The following RPL39 variants were observed in gnomAD, a reference collection of about 807,000 sequenced individuals.
RPL39 encodes the protein ribosomal protein L39.
For synonymous variants in RPL39, 8 were observed against 11.4 expected (o/e 0.70, Z 0.60); for missense variants, 6 against 37.2 (o/e 0.16, Z 2.18).
intron 2 of RPL39, among the ~76,000 whole-genome samples, chrX:119,787,111 CAG>C (rs2055670517): frequency 9.0e-6 from 1 of 110,865 alleles, no homozygotes; most frequent in Non-Finnish European, 1.9e-5. Context: ...TTTTTTGAGA[CAG>C]AGTCGCCCGC....
intron 1 of RPL39, 80 bp downstream of exon 1, chrX:119,791,494 C>G (rs12857400): frequency 4.0e-5 from 38 of 958,233 alleles, no homozygotes; most frequent in Non-Finnish European, 5.1e-5. Context: ...CTCAACGCTC[C>G]GCGCGGCCCA....
intron 2 of RPL39, among the ~76,000 whole-genome samples, chrX:119,788,239 C>T (rs773606927): frequency 1.8e-5 from 2 of 111,969 alleles, no homozygotes; most frequent in South Asian, 3.7e-4. Context: ...CCATACAAGT[C>T]GAATCAAGTT....
At chrX:119,787,540 G>C (rs1331752446) in intron 2 of RPL39, 1 of 357,393 alleles carries the variant, frequency 2.8e-6, no homozygotes, top group East Asian at 7.7e-5. Context: ...ATTCCATTGG[G>C]TCAATTATCT....
rs12854904 is a variant in RPL39, at chrX:119,791,519, G to A, written c.3+55C>T. 10,064 of 1,072,476 alleles carry A rather than the reference G, an allele frequency of 9.4e-3. 385 individuals are homozygous for A. In the African/African-American group the frequency reaches 0.13, roughly 13 times the overall value. 88.4% of individuals were successfully genotyped at this position (1,072,476 alleles called of 1,213,427 possible). On this transcript the variant is annotated intron_variant, in intron 1 of 2. Transcript: ENST00000361575. ...CGCGCGGCCCAGGCATTTCCTGGCA[G>A]CGGCCTCGGGTTTTGGGAAGCCACC... is the stretch of plus-strand genomic sequence containing the variant.
intron 2 of RPL39, 136 bp downstream of exon 2, chrX:119,789,772 A>C (rs1047807204): frequency 2.3e-6 from 1 of 441,779 alleles, no homozygotes; most frequent in African/African-American, 2.4e-5. Flanking sequence ...TTTAAAAACG[A>C]ATTTGAGAAT....
At chrX:119,787,325 G>C (rs148303467) in intron 2 of RPL39, 1 of 369,186 alleles carries the variant, frequency 2.7e-6, no homozygotes. Flanking sequence ...CTCCATTCAC[G>C]TCTAGTGCAG....
chrX:119,787,141 G>A, intron 2 of RPL39: 1 of 245,721 alleles, frequency 4.1e-6, no homozygotes, highest in Non-Finnish European at 7.5e-6. Context: ...ACACCACCCA[G>A]CTAATTTTTG....
chrX:119,790,096 G>A, intron 1 of RPL39, 85 bp from the exon 2 acceptor site: 2 of 569,151 alleles, frequency 3.5e-6, no homozygotes, highest in South Asian at 5.1e-5. Flanking sequence ...ACCAACATTT[G>A]AGTGCTTAAC....
chrX:119,789,197 AGGGAGAG>A lies in RPL39; in HGVS notation c.107+704_107+710del, dbSNP rs1039649064. Among the ~76,000 whole-genome samples the A allele has an allele frequency of 1.8e-4, 20 of 111,445 alleles. No homozygotes were observed. The East Asian group carries it at 4.5e-3, about 25-fold the overall frequency. Reference sequence around the variant, plus strand: ...GGAGGGTCACTTGAGTCTGGTAGGTAGGGAGAGGTTGCAGGGAGATAGTGTCAACGCA... The same window carrying A: ...GGAGGGTCACTTGAGTCTGGTAGGTAGTTGCAGGGAGATAGTGTCAACGCA... On this transcript the variant is annotated intron_variant, in intron 2 of 2. Transcript: ENST00000361575.
At chrX:119,787,222 C>T in intron 2 of RPL39, 2 of 268,110 alleles carry the variant, frequency 7.5e-6, no homozygotes, top group Non-Finnish European at 1.4e-5. Flanking sequence ...GGCTGGACTT[C>T]GAGATCCACC....
At chrX:119,789,561 C>A (rs2428975) in intron 2 of RPL39, among the ~76,000 whole-genome samples, 46,932 of 106,608 alleles carry the variant, frequency 0.44, 7,818 homozygotes, top group African/African-American at 0.52. Flanking sequence ...CGTCTCAAAA[C>A]AAAAACAAAA....
chrX:119,790,567 C>A (rs1201290661), intron 1 of RPL39: 1 of 112,242 alleles, frequency 8.9e-6, no homozygotes, highest in East Asian at 2.8e-4. Flanking sequence ...CTCACCATTT[C>A]GGTATTAATC....
intron 2 of RPL39, chrX:119,787,262 C>T: frequency 3.2e-6 from 1 of 309,971 alleles, no homozygotes; most frequent in Non-Finnish European, 6.2e-6. Context: ...GTTGAGATTA[C>T]AGGCATGAGC....
At chrX:119,788,158 T>C (rs1293516651) in intron 2 of RPL39, among the ~76,000 whole-genome samples, 7 of 111,572 alleles carry the variant, frequency 6.3e-5, no homozygotes, top group Non-Finnish European at 1.9e-5. Flanking sequence ...ACCAAGGAAA[T>C]AGGCCCTCAA....
At chrX:119,791,212 G>C (rs988879310) in intron 1 of RPL39, 2 of 215,638 alleles carry the variant, frequency 9.3e-6, no homozygotes, top group Non-Finnish European at 9.0e-6. Context: ...CATGCCACGG[G>C]CAGCCCACAG....
rs1011135941 is a variant in RPL39, at chrX:119,788,302, G to A, written c.108-1570C>T. On this transcript the variant is annotated intron_variant, in intron 2 of 2. Coordinates refer to ENST00000361575, the MANE Select transcript of RPL39 (RefSeq NM_001000.4). ...TAATCCCAGCATGTTGGGAGGCAGA[G>A]GCGCGTGAATCACGAGGTCAGGAGT... is the stretch of plus-strand genomic sequence containing the variant. Among the ~76,000 whole-genome samples, 4 of 111,689 alleles carry A rather than the reference G, an allele frequency of 3.6e-5. No individual in the cohort carries two copies. The East Asian group carries it at 1.1e-3, about 31-fold the overall frequency.
chrX:119,790,231 G>A (rs1052853657), intron 1 of RPL39: 1 of 331,442 alleles, frequency 3.0e-6, no homozygotes, highest in Non-Finnish European at 5.4e-6. Context: ...AGTGGAATCC[G>A]GTTAAGAAAC....
At chrX:119,786,834 C>T in intron 2 of RPL39, 102 bp from the exon 3 acceptor site, 2 of 592,868 alleles carry the variant, frequency 3.4e-6, no homozygotes, top group Non-Finnish European at 5.5e-6. Flanking sequence ...AAGGGTACTG[C>T]TTTTCTCTCC....
intron 2 of RPL39, among the ~76,000 whole-genome samples, chrX:119,789,157 CAGAG>C (rs912012428): frequency 9.0e-6 from 1 of 110,687 alleles, no homozygotes. Flanking sequence ...CCCAGCTACT[CAGAG>C]AGATGAGGTG....
Sources: gnomAD v4.1 joint callset for allele counts (sites outside exome capture counted in the v4.1 genomes callset) on GRCh38, gnomAD v4.1.1 for gene constraint, MANE v1.5 for transcripts, NCBI Gene and HGNC (gene_info 2026-07-23, HGNC 2026-07-21) for gene names.